Variants in PRIM1 observed in about 807,000 individuals in gnomAD.
PRIM1 encodes DNA primase small subunit.
In PRIM1, 38 loss-of-function variants were observed where a neutral mutation model predicts 60.2. The ratio of observed to expected loss-of-function variants is 0.63; its 90% CI spans 0.49 to 0.83. The LOEUF (loss-of-function observed/expected upper bound fraction) is 0.83, where lower values mean the gene tolerates loss of function less well. Ranked by LOEUF, PRIM1 falls within the 40% of genes least tolerant of loss-of-function variation. The pLI is 0.00. For synonymous variants in PRIM1, 158 were observed against 160.2 expected, an observed-to-expected ratio of 0.99 and a Z score of 0.10; for missense variants, 388 against 506.2, an observed-to-expected ratio of 0.77 and a Z score of 2.24.
chr12:56,746,014 G>C, intron 5 of PRIM1, 31 bp downstream of exon 5: 2 of 1,571,522 alleles, frequency 1.3e-6, no homozygotes, highest in Non-Finnish European at 1.7e-6. Flanking sequence ...AGAAACTAAA[G>C]CAATGCAAAT....
chr12:56,741,418 GT>G lies in PRIM1; in HGVS notation c.982+16del. The G allele has an allele frequency of 6.3e-7, 1 of 1,594,446 alleles. No individual in the cohort carries two copies. Among genetic ancestry groups the G allele is most frequent in the Non-Finnish European group, 8.5e-7 (1 of 1,174,100 alleles). ...CTCATTTTTCTTTTAGTTTTCCTTA[GT>G]TTCCTTGTGTAGTACCTGTTTTAGG... On this transcript the variant is annotated intron_variant, in intron 9 of 12. Transcript: ENST00000338193.
chr12:56,744,016 T>A lies in PRIM1; in HGVS notation c.638+49A>T, dbSNP rs1235431893. ...ATAGCAAGGTAACTCTAAAGGCACATGCCGGTAAATCAGACACCTTAAAGT... is the reference window on the plus strand; with the variant it reads ...ATAGCAAGGTAACTCTAAAGGCACAAGCCGGTAAATCAGACACCTTAAAGT... On this transcript the variant is annotated intron_variant, in intron 6 of 12. Transcript: ENST00000338193. The A allele has an allele frequency of 2.2e-6, 3 of 1,343,440 alleles. No individual in the cohort carries two copies. In the Admixed American group the frequency reaches 6.6e-5, roughly 30 times the overall value. 83.2% of individuals were successfully genotyped at this position (1,343,440 alleles called of 1,614,324 possible).
At chr12:56,742,319 C>G (rs1953878280) in intron 7 of PRIM1, among the ~76,000 whole-genome samples, 1 of 152,022 alleles carries the variant, frequency 6.6e-6, no homozygotes, top group Non-Finnish European at 1.5e-5. Flanking sequence ...CACAGTGGCT[C>G]ATGCCTGTAT....
intron 5 of PRIM1, among the ~76,000 whole-genome samples, chr12:56,744,780 G>A (rs1166888183): frequency 6.6e-6 from 1 of 152,066 alleles, no homozygotes; most frequent in Non-Finnish European, 1.5e-5. Context: ...ATTGTTAAGT[G>A]ATGCATAATT....
At chr12:56,747,320 G>A (rs1953915068) in intron 2 of PRIM1, among the ~76,000 whole-genome samples, 1 of 152,160 alleles carries the variant, frequency 6.6e-6, no homozygotes, top group Non-Finnish European at 1.5e-5. Flanking sequence ...ACAAGGGAAC[G>A]TATACAAATA....
Position 56,741,844 on chromosome 12 carries a change from G to C in PRIM1, c.749-7C>G, listed in dbSNP as rs1054410769. The stretch of plus-strand genomic sequence containing the variant: ...TGAAGTTCATCATGAATTGGTGATG[G>C]GTCATTAAGGAACAGACTCATTTAG... On this transcript the variant is annotated splice_region_variant and splice_polypyrimidine_tract_variant and intron_variant, in intron 7 of 12. Coordinates refer to ENST00000338193, the MANE Select transcript of PRIM1 (RefSeq NM_000946.3). 1.2e-6 allele frequency: 2 copies of C among 1,612,040 alleles called. No individual in the cohort carries two copies. Among genetic ancestry groups the C allele is most frequent in the African/African-American group, 1.3e-5 (1 of 74,888 alleles).
chr12:56,751,095 C>T lies in PRIM1; in HGVS notation c.204G>A (p.Lys68=). The T allele has an allele frequency of 6.3e-7, 1 of 1,599,936 alleles. No individual in the cohort carries two copies. The highest frequency in any genetic ancestry group is 1.3e-5 in the African/African-American group (1 of 74,760). The change falls in exon 2 of 13, where the codon AAG becomes AAA. Residue 68 remains lysine, a synonymous_variant. Coordinates refer to ENST00000338193, the MANE Select transcript of PRIM1 (RefSeq NM_000946.3). ...TGTATGGATTCATTTTCTGCATCTCCTTTTCCAGATCACTCTGGTTGTTGA... is the reference window on the plus strand; with the variant it reads ...TGTATGGATTCATTTTCTGCATCTCTTTTTCCAGATCACTCTGGTTGTTGA... ...QSFNNQSDLE[K]EMQKMNPYKI...
At chr12:56,747,393 A>T (rs79709506) in intron 2 of PRIM1, among the ~76,000 whole-genome samples, 1 of 139,820 alleles carries the variant, frequency 7.2e-6, no homozygotes, top group Non-Finnish European at 1.6e-5. Context: ...GTATTTAAAA[A>T]TTTTTCAATA....
intron 2 of PRIM1, among the ~76,000 whole-genome samples, chr12:56,749,778 T>C (rs899898328): frequency 4.6e-5 from 7 of 152,216 alleles, no homozygotes; most frequent in Non-Finnish European, 8.8e-5. Context: ...AGTAACAAGT[T>C]ATATAACATG....
At chr12:56,743,284 G>T (rs1238731717) in intron 6 of PRIM1, among the ~76,000 whole-genome samples, 188 bp from the exon 7 acceptor site, 1 of 152,176 alleles carries the variant, frequency 6.6e-6, no homozygotes, top group African/African-American at 2.4e-5. Flanking sequence ...TAAGGGAAAA[G>T]AACCTGACAT....
At chr12:56,737,658 T>TC (rs1295044587) in intron 11 of PRIM1, among the ~76,000 whole-genome samples, 2 of 150,178 alleles carry the variant, frequency 1.3e-5, no homozygotes, top group Admixed American at 6.7e-5. Context: ...CTGCAGTATC[T>TC]CTTAGGTGTT....
At chr12:56,741,213 C>G (rs1404365184) in intron 9 of PRIM1, among the ~76,000 whole-genome samples, 1 of 152,006 alleles carries the variant, frequency 6.6e-6, no homozygotes, top group Non-Finnish European at 1.5e-5. Flanking sequence ...TTTGATGGTC[C>G]TCTCCAAATC....
Position 56,743,146 on chromosome 12 carries a change from A to G in PRIM1, c.639-50T>C, listed in dbSNP as rs756028891. On this transcript the variant is annotated intron_variant, in intron 6 of 12. Coordinates refer to ENST00000338193, the MANE Select transcript of PRIM1 (RefSeq NM_000946.3). ...AGTCCCAACACTATCAGTAACACAT[A>G]TGCCACATAGGTATTGCTGCCATTG... 2.1e-6 allele frequency: 3 copies of G among 1,449,198 alleles called. No homozygotes were observed. The African/African-American group carries it at 4.4e-5, about 21-fold the overall frequency. 89.8% of individuals were successfully genotyped at this position (1,449,198 alleles called of 1,614,324 possible). A position where few individuals can be genotyped will look rare whatever the true frequency, so the allele number is the denominator to read the frequency against.
intron 11 of PRIM1, among the ~76,000 whole-genome samples, chr12:56,735,159 G>A (rs1442353805): frequency 6.7e-6 from 1 of 149,152 alleles, no homozygotes; most frequent in Admixed American, 6.7e-5. Context: ...GGTATGCAGT[G>A]GTGCAATCTT....
At chr12:56,733,870 C>T (rs546498364) in intron 12 of PRIM1, among the ~76,000 whole-genome samples, 26 of 151,972 alleles carry the variant, frequency 1.7e-4, no homozygotes, top group Non-Finnish European at 2.5e-4. Flanking sequence ...GGATTACAGG[C>T]GTGAGCCACC....
chr12:56,745,038 C>T (rs2958134), intron 5 of PRIM1, among the ~76,000 whole-genome samples: 87,873 of 150,110 alleles, frequency 0.59, 26,739 homozygotes, highest in South Asian at 0.74. Flanking sequence ...ACCCGGGACG[C>T]GGAGGTTGTG....
intron 4 of PRIM1, 52 bp from the exon 5 acceptor site, chr12:56,746,233 T>C (rs1953905879): frequency 1.9e-6 from 3 of 1,541,806 alleles, no homozygotes. Context: ...AACTCCTTAA[T>C]TAATGTATAT....
Position 56,737,483 on chromosome 12 carries a change from G to A in PRIM1, c.1144+951C>T, listed in dbSNP as rs941013784. Among the ~76,000 whole-genome samples the A allele has an allele frequency of 4.6e-5, 7 of 151,808 alleles. No homozygotes were observed. The South Asian group carries it at 1.2e-3, about 27-fold the overall frequency. ...TCCTGCCTCTGCCTTCCGAGCAGCT[G>A]GGATTACAGGCATGTGCCACCACAG... is the stretch of plus-strand genomic sequence containing the variant. On this transcript the variant is annotated intron_variant, in intron 11 of 12. Transcript: ENST00000338193.
chr12:56,732,016 G>A (rs1196977263), intron 12 of PRIM1, among the ~76,000 whole-genome samples: 1 of 152,190 alleles, frequency 6.6e-6, no homozygotes, highest in Admixed American at 6.5e-5. Context: ...CTACTGAGTA[G>A]AGCATTATCT....
Sources: gnomAD v4.1 joint callset for allele counts (sites outside exome capture counted in the v4.1 genomes callset) on GRCh38, gnomAD v4.1.1 for gene constraint, MANE v1.5 for transcripts, NCBI Gene and HGNC (gene_info 2026-07-23, HGNC 2026-07-21) for gene names.